The following MYO3B variants were observed in gnomAD, a reference collection of about 807,000 sequenced individuals.
MYO3B encodes the protein myosin-IIIb.
A neutral mutation model predicts 174.6 loss-of-function variants in MYO3B; 156 were observed. The observed-to-expected ratio is 0.89, with a 90% CI of 0.78 to 1.02. The LOEUF is 1.02. Among genes scored for constraint, MYO3B ranks in the 50% least tolerant of loss-of-function variants. The pLI, the probability that MYO3B is intolerant of heterozygous loss-of-function variation, is 0.00. For missense variants in MYO3B, 1,632 were observed against 1,639.4 expected (o/e 1.00, Z 0.08); for synonymous variants, 563 against 569.1 (o/e 0.99, Z 0.15).
intron 1 of MYO3B, among the ~76,000 whole-genome samples, chr2:170,198,305 T>C (rs963218229): frequency 2.0e-5 from 3 of 152,156 alleles, no homozygotes; most frequent in Non-Finnish European, 4.4e-5. Flanking sequence ...TCTCTCTTCT[T>C]TTATGTGACT....
intron 3 of MYO3B, among the ~76,000 whole-genome samples, chr2:170,210,422 G>A (rs552438570): frequency 7.2e-4 from 110 of 152,072 alleles, no homozygotes; most frequent in Non-Finnish European, 1.2e-3. Flanking sequence ...CATACCTTGC[G>A]TGTAAATCTA....
At chr2:170,470,174 T>C (rs1684900156) in intron 25 of MYO3B, among the ~76,000 whole-genome samples, 2 of 147,790 alleles carry the variant, frequency 1.4e-5, no homozygotes, top group African/African-American at 5.0e-5. Flanking sequence ...AGTCACAGAG[T>C]TGTATAAACA....
intron 7 of MYO3B, among the ~76,000 whole-genome samples, chr2:170,298,069 A>T (rs2093639867): frequency 6.6e-6 from 1 of 152,206 alleles, no homozygotes; most frequent in Non-Finnish European, 1.5e-5. Context: ...TGTGGTGTAA[A>T]TATATGACAT....
intron 16 of MYO3B, among the ~76,000 whole-genome samples, chr2:170,394,344 CTAA>C (rs963898401): frequency 2.6e-5 from 4 of 152,020 alleles, no homozygotes; most frequent in African/African-American, 9.7e-5. Context: ...CAATGTACTG[CTAA>C]TAATAATAAA....
intron 3 of MYO3B, among the ~76,000 whole-genome samples, chr2:170,207,620 A>C (rs1461566501): frequency 1.3e-5 from 2 of 151,906 alleles, no homozygotes; most frequent in African/African-American, 2.4e-5. Context: ...GGAGTGTCCC[A>C]TAGTACAGAG....
At chr2:170,613,264 C>A (rs948076372) in intron 32 of MYO3B, among the ~76,000 whole-genome samples, 2 of 152,172 alleles carry the variant, frequency 1.3e-5, no homozygotes, top group Non-Finnish European at 2.9e-5. Flanking sequence ...TTCAGCCTGC[C>A]AGCTCTTAGT....
chr2:170,298,707 G>A (rs948974069), intron 7 of MYO3B, among the ~76,000 whole-genome samples: 1 of 149,340 alleles, frequency 6.7e-6, no homozygotes, highest in African/African-American at 2.5e-5. Flanking sequence ...AGAATTTCAA[G>A]CATAGATACC....
At chr2:170,285,038 T>A (rs1461175700) in intron 7 of MYO3B, among the ~76,000 whole-genome samples, 2 of 152,208 alleles carry the variant, frequency 1.3e-5, no homozygotes, top group Non-Finnish European at 2.9e-5. Flanking sequence ...TGCATGCAGA[T>A]CTAGTTTATT....
At chr2:170,312,712 G>T (rs1261815741) in intron 7 of MYO3B, among the ~76,000 whole-genome samples, 1 of 152,246 alleles carries the variant, frequency 6.6e-6, no homozygotes, top group Non-Finnish European at 1.5e-5. Context: ...TGGTAGCTCT[G>T]CAGACCACTG....
At chr2:170,181,014 T>C (rs1218499687) in intron 1 of MYO3B, among the ~76,000 whole-genome samples, 11 of 152,182 alleles carry the variant, frequency 7.2e-5, no homozygotes, top group Admixed American at 7.2e-4. Flanking sequence ...ATTTATTAGA[T>C]AATCTCTCCA....
At chr2:170,593,631 G>A (rs1210552776) in intron 32 of MYO3B, among the ~76,000 whole-genome samples, 1 of 152,234 alleles carries the variant, frequency 6.6e-6, no homozygotes. Flanking sequence ...AATGAGGTCT[G>A]TTAGTCCTAA....
chr2:170,317,196 GAGAA>G (rs1252456547), intron 7 of MYO3B, among the ~76,000 whole-genome samples: 1 of 152,104 alleles, frequency 6.6e-6, no homozygotes, highest in Non-Finnish European at 1.5e-5. Flanking sequence ...GGTTATTACC[GAGAA>G]ACCAAATAGT....
chr2:170,537,447 G>GTTTTTTTTTTTTTTTTTTTTTTT, intron 30 of MYO3B, among the ~76,000 whole-genome samples: 1 of 47,486 alleles, frequency 2.1e-5, no homozygotes, highest in East Asian at 8.6e-4. Flanking sequence ...AGAGCTCTTT[G>GTTTTTTTTTTTTTTTTTTTTTTT]ATTTTTTTTT....
chr2:170,494,539 C>T (rs983583643), intron 25 of MYO3B, among the ~76,000 whole-genome samples: 7 of 151,642 alleles, frequency 4.6e-5, no homozygotes, highest in African/African-American at 1.5e-4. Context: ...ATATGCCTGG[C>T]CAATGTGGTG....
intron 32 of MYO3B, among the ~76,000 whole-genome samples, chr2:170,645,263 G>C (rs990881907): frequency 4.6e-5 from 7 of 152,110 alleles, no homozygotes; most frequent in South Asian, 2.1e-4. Context: ...TTGAGGTCAG[G>C]AGTTCGAGAC....
chr2:170,650,870 G>C (rs1698956537), intron 32 of MYO3B, among the ~76,000 whole-genome samples: 2 of 151,482 alleles, frequency 1.3e-5, no homozygotes, highest in South Asian at 4.2e-4. Context: ...TTTTAGTAGA[G>C]ACGGGGTTTC....
chr2:170,580,496 G>C (rs899811396), intron 32 of MYO3B, among the ~76,000 whole-genome samples: 11 of 152,066 alleles, frequency 7.2e-5, no homozygotes, highest in Non-Finnish European at 1.5e-4. Context: ...AAATCAGCTG[G>C]GTGTGGTGGC....
chr2:170,417,610 T>TG (rs2094589183), intron 22 of MYO3B, among the ~76,000 whole-genome samples: 1 of 152,210 alleles, frequency 6.6e-6, no homozygotes, highest in South Asian at 2.1e-4. Flanking sequence ...CTGGAGGCTC[T>TG]GAGGGAGCGT....
intron 3 of MYO3B, among the ~76,000 whole-genome samples, chr2:170,209,737 G>C (rs1435198447): frequency 6.6e-6 from 1 of 152,030 alleles, no homozygotes; most frequent in Non-Finnish European, 1.5e-5. Context: ...AAAGAAGTCT[G>C]GTTTACAATA....
Sources: allele counts gnomAD v4.1 joint callset (sites outside exome capture counted in the v4.1 genomes callset), GRCh38; gene constraint gnomAD v4.1.1; transcripts MANE v1.5; gene names NCBI Gene and HGNC (gene_info 2026-07-23, HGNC 2026-07-21).